Variants in FBXL13 observed in about 807,000 individuals in gnomAD.
FBXL13 encodes the protein F-box and leucine-rich repeat protein 13.
A neutral mutation model predicts 83.6 loss-of-function variants in FBXL13; 67 were observed. The ratio of observed to expected loss-of-function variants is 0.80; its 90% CI spans 0.66 to 0.98. The LOEUF is 0.98. FBXL13 is among the 50% of genes least tolerant of loss of function. FBXL13 has a pLI of 0.00. For missense variants in FBXL13, 822 were observed against 866.5 expected (o/e 0.95, Z 0.64); for synonymous variants, 272 against 299.5 (o/e 0.91, Z 0.95).
At chr7:103,067,044 C>G (rs142184949) in intron 1 of FBXL13, among the ~76,000 whole-genome samples, 4,123 of 151,794 alleles carry the variant, frequency 0.027, 101 homozygotes, top group Non-Finnish European at 0.036. Flanking sequence ...CTCGGCCTCC[C>G]AAGAATTTTT....
rs147822994 is a variant in FBXL13 at position 102,881,275 on chromosome 7, A to G, written c.1388+2030T>C. On this transcript the variant is annotated intron_variant, in intron 14 of 19. Coordinates refer to ENST00000313221, the Ensembl canonical transcript of FBXL13. ...AGCCTGGCCAACATGGTGAGACCCT[A>G]TCTCTACAAAAATACAAAAATTAGC... Among the ~76,000 whole-genome samples, 2,110 of 151,798 alleles carry G rather than the reference A, an allele frequency of 0.014. 116 individuals are homozygous for G. In the East Asian group the frequency reaches 0.16, roughly 12 times the overall value.
At chr7:102,811,546 T>A (rs1039195196), downstream of FBXL13, among the ~76,000 whole-genome samples, 2 of 152,196 alleles carry the variant, frequency 1.3e-5, no homozygotes, top group African/African-American at 2.4e-5. Context: ...CTCAAAGAGC[T>A]TTGGAGCAAG....
At chr7:102,826,724 C>CTCATATAT (rs1465698757) in intron 18 of FBXL13, among the ~76,000 whole-genome samples, 6 of 62,732 alleles carry the variant, frequency 9.6e-5, no homozygotes, top group African/African-American at 2.3e-4. Context: ...GACCCTGTCT[C>CTCATATAT]ATATATATAT....
At chr7:102,869,755 C>A (rs538576276) in intron 16 of FBXL13, among the ~76,000 whole-genome samples, 1 of 152,218 alleles carries the variant, frequency 6.6e-6, no homozygotes, top group East Asian at 1.9e-4. Flanking sequence ...AATGTGTGTT[C>A]TTGGTGCCTT....
chr7:102,899,356 G>C (rs1016804802), intron 11 of FBXL13, among the ~76,000 whole-genome samples: 4 of 152,166 alleles, frequency 2.6e-5, no homozygotes, highest in Non-Finnish European at 4.4e-5. Flanking sequence ...GTCTTCAATC[G>C]CAAGTCCAGT....
intron 2 of FBXL13, among the ~76,000 whole-genome samples, chr7:103,043,143 A>G (rs964778315): frequency 6.6e-6 from 1 of 152,240 alleles, no homozygotes; most frequent in Admixed American, 6.5e-5. Flanking sequence ...AAACAACCAT[A>G]TCAAAAAGTG....
At chr7:102,946,515 G>C (rs1375649626) in intron 8 of FBXL13, among the ~76,000 whole-genome samples, 5 of 151,994 alleles carry the variant, frequency 3.3e-5, no homozygotes, top group Admixed American at 6.6e-5. Flanking sequence ...CGTGAGGGCA[G>C]TTGGCAGGAG....
intron 1 of FBXL13, among the ~76,000 whole-genome samples, chr7:103,067,818 ATGT>A (rs1428242649): frequency 6.6e-6 from 1 of 152,258 alleles, no homozygotes; most frequent in Non-Finnish European, 1.5e-5. Context: ...AAATCACTAA[ATGT>A]TGTAAAGACA....
chr7:103,067,626 G>A (rs1297725829), intron 1 of FBXL13, among the ~76,000 whole-genome samples: 1 of 152,186 alleles, frequency 6.6e-6, no homozygotes, highest in Non-Finnish European at 1.5e-5. Flanking sequence ...CTACCTGTCA[G>A]TCTCAGGAGA....
At chr7:102,971,495 G>C (rs1207325953) in intron 6 of FBXL13, among the ~76,000 whole-genome samples, 1 of 151,722 alleles carries the variant, frequency 6.6e-6, no homozygotes, top group African/African-American at 2.4e-5. Flanking sequence ...TACTTGGGAG[G>C]CTGAGGCAGG....
chr7:102,935,954 T>C (rs1563117643), intron 8 of FBXL13, among the ~76,000 whole-genome samples: 1 of 152,170 alleles, frequency 6.6e-6, no homozygotes, highest in Non-Finnish European at 1.5e-5. Flanking sequence ...TTTATTAATG[T>C]TGTCAGGCAT....
At chr7:102,903,635 A>T (rs1175679586) in intron 11 of FBXL13, among the ~76,000 whole-genome samples, 1 of 151,578 alleles carries the variant, frequency 6.6e-6, no homozygotes, top group African/African-American at 2.4e-5. Context: ...GGGATATTGA[A>T]TTTTTTTTAA....
At chr7:103,049,032 T>A (rs1272114105) in intron 2 of FBXL13, among the ~76,000 whole-genome samples, 1 of 152,202 alleles carries the variant, frequency 6.6e-6, no homozygotes, top group East Asian at 1.9e-4. Flanking sequence ...TTTCACGACT[T>A]ACACAGACCA....
chr7:102,885,099 C>T (rs1333197546), intron 11 of FBXL13, among the ~76,000 whole-genome samples: 1 of 152,120 alleles, frequency 6.6e-6, no homozygotes, highest in Non-Finnish European at 1.5e-5. Context: ...CACGCATGTA[C>T]ATCTATTTGT....
intron 2 of FBXL13, among the ~76,000 whole-genome samples, chr7:103,042,335 A>G (rs933310704): frequency 6.6e-4 from 101 of 152,230 alleles, no homozygotes; most frequent in Admixed American, 2.2e-3. Context: ...GACACAAACA[A>G]ATGGAAGAAC....
intron 10 of FBXL13, among the ~76,000 whole-genome samples, chr7:102,923,286 C>G (rs1384635123): frequency 4.6e-5 from 7 of 152,124 alleles, no homozygotes; most frequent in Admixed American, 4.6e-4. Context: ...TCTAAACAAT[C>G]AACTGAACAA....
At chr7:102,876,580 T>C (rs960320484) in intron 16 of FBXL13, among the ~76,000 whole-genome samples, 5 of 150,332 alleles carry the variant, frequency 3.3e-5, no homozygotes, top group Non-Finnish European at 5.9e-5. Context: ...ATAACAGATG[T>C]CTGCAATGCA....
At chr7:103,056,673 G>A (rs902515452) in intron 1 of FBXL13, among the ~76,000 whole-genome samples, 11 of 152,164 alleles carry the variant, frequency 7.2e-5, no homozygotes, top group African/African-American at 2.7e-4. Context: ...GGCCAAGCTG[G>A]TCTTGAACTC....
chr7:102,977,021 T>A (rs1827565665), intron 6 of FBXL13, among the ~76,000 whole-genome samples: 3 of 152,142 alleles, frequency 2.0e-5, no homozygotes, highest in Non-Finnish European at 4.4e-5. Context: ...TGCCTTTACA[T>A]GGGAAAACCC....
Sources: gnomAD v4.1 joint callset for allele counts (sites outside exome capture counted in the v4.1 genomes callset) on GRCh38, gnomAD v4.1.1 for gene constraint, MANE v1.5 for transcripts, NCBI Gene and HGNC (gene_info 2026-07-23, HGNC 2026-07-21) for gene names.